Variants in AGO2 observed in about 807,000 individuals in gnomAD.
The protein encoded by AGO2 is protein argonaute-2.
In AGO2, 5 loss-of-function variants were observed where a neutral mutation model predicts 102.3. The observed-to-expected ratio is 0.05, with a 90% CI of 0.03 to 0.10. AGO2 has a LOEUF of 0.10. Ranked by LOEUF, AGO2 falls within the 10% of genes least tolerant of loss-of-function variation. The pLI, the probability that AGO2 is intolerant of heterozygous loss-of-function variation, is 1.00. For missense variants in AGO2, 541 were observed against 1,183.7 expected, an observed-to-expected ratio of 0.46 and a Z score of 7.97; for synonymous variants, 449 against 473.1, an observed-to-expected ratio of 0.95 and a Z score of 0.66.
rs1366805294 is a variant in AGO2 at position 140,540,411 on chromosome 8, C to T, written c.2034+753G>A. On this transcript the variant is annotated intron_variant, in intron 15 of 18. Coordinates refer to ENST00000220592, the MANE Select transcript of AGO2 (RefSeq NM_012154.5). The surrounding 1 kb of genome is among the most constrained non-coding windows in gnomAD (Gnocchi z 5.0). Reference sequence around the variant, plus strand: ...CTTTCTTCTGCTTTTCTTGCTAACACCTCCCAAGGAAGCGACCGTGTGGCA... The same window carrying T: ...CTTTCTTCTGCTTTTCTTGCTAACATCTCCCAAGGAAGCGACCGTGTGGCA... Among the ~76,000 whole-genome samples the T allele has an allele frequency of 6.6e-6, 1 of 152,228 alleles. No individual in the cohort carries two copies. The highest frequency in any genetic ancestry group is 2.4e-5 in the African/African-American group (1 of 41,466).
intron 1 of AGO2, among the ~76,000 whole-genome samples, chr8:140,617,470 C>T (rs370269772): frequency 2.6e-5 from 4 of 152,154 alleles, no homozygotes; most frequent in East Asian, 1.9e-4. Context: ...CCAGGCTGGT[C>T]TTGAACTCCT....
rs529532101 is a variant in AGO2 at position 140,568,821 on chromosome 8, G to A, written c.336+3991C>T. ...GAGCAGGTACAGGGAGTGGCTGCTCGGTTAGGGCTCGGCACCACCTCCTGA... is the reference window on the plus strand; with the variant it reads ...GAGCAGGTACAGGGAGTGGCTGCTCAGTTAGGGCTCGGCACCACCTCCTGA... On this transcript the variant is annotated intron_variant, in intron 3 of 18. Coordinates refer to ENST00000220592, the MANE Select transcript of AGO2 (RefSeq NM_012154.5). Among the ~76,000 whole-genome samples the A allele has an allele frequency of 7.2e-5, 11 of 152,342 alleles. No individual in the cohort carries two copies. In the South Asian group the frequency reaches 1.4e-3, roughly 20 times the overall value.
At chr8:140,544,152 G>A (rs1445047518) in intron 14 of AGO2, 61 bp downstream of exon 14, 15 of 1,489,148 alleles carry the variant, frequency 1.0e-5, no homozygotes, top group Non-Finnish European at 1.3e-5. Context: ...GTGACAGTGG[G>A]ACTTCGACAG....
intron 2 of AGO2, among the ~76,000 whole-genome samples, chr8:140,584,590 TAAAAGGA>T (rs71504807): frequency 0.054 from 8,156 of 152,232 alleles, 433 homozygotes; most frequent in African/African-American, 0.14. Context: ...CCCATGTGTT[TAAAAGGA>T]AGATGAAAAA....
intron 2 of AGO2, among the ~76,000 whole-genome samples, chr8:140,575,281 TCCCTGGC>T (rs1275900843): frequency 1.3e-5 from 2 of 151,418 alleles, no homozygotes; most frequent in African/African-American, 2.4e-5. Flanking sequence ...ACCTGGCACC[TCCCTGGC>T]AGCCAGGGCA....
chr8:140,598,660 G>A (rs2073885151), intron 1 of AGO2, among the ~76,000 whole-genome samples: 1 of 152,218 alleles, frequency 6.6e-6, no homozygotes, highest in Non-Finnish European at 1.5e-5. Context: ...AGCGCGTGCT[G>A]GCTGCTCTCC....
intron 1 of AGO2, among the ~76,000 whole-genome samples, chr8:140,602,059 C>T (rs1450311868): frequency 6.6e-6 from 1 of 152,232 alleles, no homozygotes. Flanking sequence ...TTGGATTCCT[C>T]CAAGAACCAC....
intron 2 of AGO2, among the ~76,000 whole-genome samples, chr8:140,577,476 C>T (rs2073485250): frequency 1.3e-5 from 2 of 152,080 alleles, no homozygotes; most frequent in African/African-American, 4.8e-5. Flanking sequence ...GATCATAGGC[C>T]TACATAAAGG....
rs2072591475 is a variant in AGO2 at position 140,531,344 on chromosome 8, T to A, written c.*700A>T. On this transcript the variant is annotated 3_prime_UTR_variant, in exon 19 of 19. Coordinates refer to ENST00000220592, the MANE Select transcript of AGO2 (RefSeq NM_012154.5). ...CAGTATATTGTCTTTTTTCTTTTTTTAAATACATTTTTTATTAAAATGGCA... is the reference window on the plus strand; with the variant it reads ...CAGTATATTGTCTTTTTTCTTTTTTAAAATACATTTTTTATTAAAATGGCA... The A allele has an allele frequency of 6.6e-6, 1 of 152,648 alleles. No homozygotes were observed. The highest frequency in any genetic ancestry group is 6.5e-5 in the Admixed American group (1 of 15,288). The allele number at this position is 152,648 out of a possible 1,614,324, so 9.5% of individuals were successfully genotyped here.
intron 3 of AGO2, chr8:140,572,600 GGACCTA>G (rs1465370525): frequency 2.5e-5 from 14 of 560,284 alleles, no homozygotes; most frequent in Admixed American, 8.0e-5. Flanking sequence ...ATCCGTGTCT[GGACCTA>G]GACAAGTTAA....
intron 1 of AGO2, among the ~76,000 whole-genome samples, chr8:140,633,058 G>A (rs959474512): frequency 6.6e-6 from 1 of 151,922 alleles, no homozygotes; most frequent in African/African-American, 2.4e-5. Flanking sequence ...GACTACAGGC[G>A]TGCACCACCA....
At chr8:140,559,197 A>C (rs1478968330) in intron 6 of AGO2, among the ~76,000 whole-genome samples, 198 bp downstream of exon 6, 1 of 152,092 alleles carries the variant, frequency 6.6e-6, no homozygotes, top group Non-Finnish European at 1.5e-5. Context: ...ATGGGGTTGT[A>C]TTTATTTAGG....
At position 140,632,970 on chromosome 8, in the gene AGO2, T is replaced by C. The variant is rs1051522654; in HGVS notation, c.22+2515A>G. 1.3e-4 allele frequency among the ~76,000 whole-genome samples: 19 copies of C among 151,832 alleles called. No homozygotes were observed. The South Asian group carries it at 1.5e-3, about 12-fold the overall frequency. ...ACTCTGTCCCCAGGCTGGAGTGCAG[T>C]GGCGCAATCTTGGCTCACTGCAACC... On this transcript the variant is annotated intron_variant, in intron 1 of 18. Coordinates refer to ENST00000220592, the MANE Select transcript of AGO2 (RefSeq NM_012154.5).
At chr8:140,621,911 A>G (rs1021763967) in intron 1 of AGO2, among the ~76,000 whole-genome samples, 1 of 152,172 alleles carries the variant, frequency 6.6e-6, no homozygotes, top group African/African-American at 2.4e-5. Flanking sequence ...CAGAGTGACC[A>G]TCTCACCTAG....
At chr8:140,541,068 C>T (rs1461887278) in intron 15 of AGO2, 96 bp downstream of exon 15, 3 of 1,349,616 alleles carry the variant, frequency 2.2e-6, no homozygotes, top group African/African-American at 1.5e-5. Flanking sequence ...ATGAGAGCCA[C>T]ATCATTCTTG....
In AGO2 at chr8:140,609,160, G is replaced by C. The variant is rs540203897; in HGVS notation, c.23-23849C>G. ...CTTGTGTACATCACCAGAAGGGAAA[G>C]GAAAAGCCAGCGTGAGCCAAGTGCT... On this transcript the variant is annotated intron_variant, in intron 1 of 18. Transcript: ENST00000220592. Among the ~76,000 whole-genome samples, 6 of 152,406 alleles carry C rather than the reference G, an allele frequency of 3.9e-5. No individual in the cohort carries two copies. The East Asian group carries it at 1.2e-3, about 29-fold the overall frequency.
At chr8:140,579,462 C>T (rs987876106) in intron 2 of AGO2, among the ~76,000 whole-genome samples, 4 of 152,128 alleles carry the variant, frequency 2.6e-5, no homozygotes, top group Non-Finnish European at 5.9e-5. Flanking sequence ...TACAATGTCG[C>T]CACTAGGTCT....
chr8:140,554,903 T>C (rs925041740), intron 10 of AGO2, among the ~76,000 whole-genome samples: 3 of 152,098 alleles, frequency 2.0e-5, no homozygotes, highest in African/African-American at 4.8e-5. Flanking sequence ...CTCAAACTCC[T>C]GACCTCAAGC....
intron 1 of AGO2, among the ~76,000 whole-genome samples, chr8:140,629,150 G>C (rs530195294): frequency 1.3e-5 from 2 of 151,994 alleles, no homozygotes; most frequent in Non-Finnish European, 2.9e-5. Context: ...ATAAACGCGC[G>C]ACTCTGGGGC....
Sources: gnomAD v4.1 joint callset for allele counts (sites outside exome capture counted in the v4.1 genomes callset) on GRCh38, gnomAD v4.1.1 for gene constraint, Gnocchi (gnomAD v3.1) non-coding constraint, MANE v1.5 for transcripts, NCBI Gene and HGNC (gene_info 2026-07-23, HGNC 2026-07-21) for gene names.